FAM107B: variants seen among roughly 807,000 people sequenced by gnomAD.
FAM107B encodes family with sequence similarity 107 member B, also known as protein FAM107B.
Under a neutral mutation model 31.5 loss-of-function variants are expected in FAM107B, and 21 were observed. That is an observed-to-expected ratio of 0.67 (90% CI 0.47 to 0.96). The LOEUF is 0.96. Among genes scored for constraint, FAM107B ranks in the 40% least tolerant of loss-of-function variants. FAM107B has a pLI of 0.00. For synonymous variants in FAM107B, 157 were observed against 141.5 expected (o/e 1.11, Z -0.78); for missense variants, 452 against 377.1 (o/e 1.20, Z -1.64).
At chr10:14,553,531 G>A in intron 2 of FAM107B, 1 of 376,468 alleles carries the variant, frequency 2.7e-6, no homozygotes, top group South Asian at 2.2e-5. Context: ...GAAGTTCTCT[G>A]GTCCCTGGTA....
intron 1 of FAM107B, among the ~76,000 whole-genome samples, chr10:14,747,312 C>A (rs551680859): frequency 3.4e-4 from 52 of 152,306 alleles, no homozygotes; most frequent in African/African-American, 1.2e-3. Flanking sequence ...TACATCTCAG[C>A]CTCTGCCCAG....
At chr10:14,529,419 T>C (rs1202952450) in intron 3 of FAM107B, 1 of 152,182 alleles carries the variant, frequency 6.6e-6, no homozygotes, top group African/African-American at 2.4e-5. Context: ...AGCTGGAGTG[T>C]ACTCAGGAAA....
At chr10:14,752,701 C>G (rs1832854067) in intron 1 of FAM107B, among the ~76,000 whole-genome samples, 1 of 152,082 alleles carries the variant, frequency 6.6e-6, no homozygotes, top group Non-Finnish European at 1.5e-5. Flanking sequence ...GGAGATGGAG[C>G]CAGGTGGCTT....
chr10:14,759,787 C>T lies in FAM107B; in HGVS notation c.411+14466G>A, dbSNP rs556854975. Among the ~76,000 whole-genome samples the T allele has an allele frequency of 2.1e-4, 32 of 152,074 alleles. No homozygotes were observed. In the East Asian group the frequency reaches 5.8e-3, roughly 28 times the overall value. On this transcript the variant is annotated intron_variant, in intron 1 of 4. Transcript: ENST00000181796. ...AGTGCAGTAGTGCGATCTCGGTTCA[C>T]TGCAACCTCCACCTCCCGGACACAA...
intron 1 of FAM107B, among the ~76,000 whole-genome samples, chr10:14,760,595 G>A (rs113406221): frequency 2.9e-4 from 43 of 149,754 alleles, no homozygotes; most frequent in African/African-American, 1.0e-3. Context: ...AAGAAGAGAT[G>A]TACGTTTTTT....
chr10:14,773,947 T>C (rs1233894906), intron 1 of FAM107B, among the ~76,000 whole-genome samples: 1 of 152,220 alleles, frequency 6.6e-6, no homozygotes. Context: ...TTTTGTAAAC[T>C]ATCTTACTCC....
At chr10:14,562,843 T>C (rs1368337954) in intron 2 of FAM107B, among the ~76,000 whole-genome samples, 4 of 152,272 alleles carry the variant, frequency 2.6e-5, no homozygotes, top group Non-Finnish European at 4.4e-5. Flanking sequence ...ATTTCCATGT[T>C]ATTTCTCAAC....
At chr10:14,699,521 G>A (rs1855346216) in intron 1 of FAM107B, among the ~76,000 whole-genome samples, 1 of 152,134 alleles carries the variant, frequency 6.6e-6, no homozygotes, top group African/African-American at 2.4e-5. Flanking sequence ...CAAGCAGAGA[G>A]AACAAACTCG....
intron 2 of FAM107B, among the ~76,000 whole-genome samples, chr10:14,616,507 T>C (rs938822888): frequency 1.3e-5 from 2 of 152,148 alleles, no homozygotes; most frequent in Admixed American, 6.5e-5. Flanking sequence ...CAGCCTGGTA[T>C]AAAAAAATGG....
intron 2 of FAM107B, among the ~76,000 whole-genome samples, chr10:14,666,949 C>A (rs1854418015): frequency 6.6e-6 from 1 of 152,180 alleles, no homozygotes; most frequent in Non-Finnish European, 1.5e-5. Context: ...CCTTTGCCAG[C>A]AGCAAACACG....
At chr10:14,560,349 CAT>C (rs1466831567) in intron 2 of FAM107B, among the ~76,000 whole-genome samples, 2 of 152,152 alleles carry the variant, frequency 1.3e-5, no homozygotes, top group African/African-American at 4.8e-5. Context: ...AGATACATAA[CAT>C]ATGAGTGTCA....
chr10:14,738,199 T>C (rs1856354182), intron 1 of FAM107B, among the ~76,000 whole-genome samples: 1 of 152,190 alleles, frequency 6.6e-6, no homozygotes, highest in African/African-American at 2.4e-5. Flanking sequence ...AATGACTGGA[T>C]TGGAATCCAA....
chr10:14,580,282 C>T (rs1851593295), intron 2 of FAM107B, among the ~76,000 whole-genome samples: 1 of 152,062 alleles, frequency 6.6e-6, no homozygotes, highest in African/African-American at 2.4e-5. Context: ...ATGGCGTGAA[C>T]CCAGGAGGTG....
intron 2 of FAM107B, among the ~76,000 whole-genome samples, chr10:14,583,106 A>AAAAG (rs1201975220): frequency 1.3e-5 from 2 of 151,048 alleles, no homozygotes; most frequent in Non-Finnish European, 3.0e-5. Flanking sequence ...AAAAAAAAAG[A>AAAAG]AAAGAAAGAA....
At chr10:14,755,571 C>T (rs1832911945) in intron 1 of FAM107B, among the ~76,000 whole-genome samples, 2 of 151,966 alleles carry the variant, frequency 1.3e-5, no homozygotes, top group African/African-American at 4.8e-5. Context: ...ATGCTACACA[C>T]CATCATCCTC....
intron 1 of FAM107B, among the ~76,000 whole-genome samples, chr10:14,734,136 C>T (rs1042598306): frequency 6.6e-6 from 1 of 152,126 alleles, no homozygotes; most frequent in Non-Finnish European, 1.5e-5. Context: ...CAATGCCAAT[C>T]AATTTGTAAT....
chr10:14,557,219 T>C (rs1216064275), intron 2 of FAM107B, among the ~76,000 whole-genome samples: 1 of 152,204 alleles, frequency 6.6e-6, no homozygotes, highest in Non-Finnish European at 1.5e-5. Context: ...GCCAGCCCCA[T>C]GTGTGTTTTT....
chr10:14,772,401 T>A (rs528801346), intron 1 of FAM107B, among the ~76,000 whole-genome samples: 204 of 150,920 alleles, frequency 1.4e-3, no homozygotes, highest in African/African-American at 3.8e-3. Flanking sequence ...GTCACCAGGG[T>A]TGGCTGAGAT....
intron 3 of FAM107B, among the ~76,000 whole-genome samples, chr10:14,522,869 GGCCGT>G (rs1845812949): frequency 6.6e-6 from 1 of 152,256 alleles, no homozygotes; most frequent in African/African-American, 2.4e-5. Context: ...TGAAGGACAT[GGCCGT>G]GCAGAACCTT....
Sources: gnomAD v4.1 joint callset for allele counts (sites outside exome capture counted in the v4.1 genomes callset) on GRCh38, gnomAD v4.1.1 for gene constraint, MANE v1.5 for transcripts, NCBI Gene and HGNC (gene_info 2026-07-23, HGNC 2026-07-21) for gene names.